SERAC1: variants seen among roughly 807,000 people sequenced by gnomAD.
SERAC1 encodes the protein serine active site containing 1.
SERAC1 carries 36 observed loss-of-function variants against 85.7 expected under a neutral mutation model. The ratio of observed to expected loss-of-function variants is 0.42; its 90% CI spans 0.32 to 0.55. The LOEUF is 0.55. Ranked by LOEUF, SERAC1 falls within the 20% of genes least tolerant of loss-of-function variation. The pLI is 0.11. For synonymous variants in SERAC1, 242 were observed against 265.3 expected, an observed-to-expected ratio of 0.91 and a Z score of 0.85; for missense variants, 629 against 796.2, an observed-to-expected ratio of 0.79 and a Z score of 2.53.
At chr6:158,147,842 T>C (rs1280803670) in intron 5 of SERAC1, among the ~76,000 whole-genome samples, 1 of 151,344 alleles carries the variant, frequency 6.6e-6, no homozygotes, top group Non-Finnish European at 1.5e-5. Flanking sequence ...ATAACTGTTA[T>C]TATTTTACCG....
chr6:158,126,122 G>A (rs746547754), intron 10 of SERAC1, among the ~76,000 whole-genome samples: 2 of 152,122 alleles, frequency 1.3e-5, no homozygotes, highest in Non-Finnish European at 2.9e-5. Context: ...GTGTATGTAT[G>A]TATATCTATA....
intron 10 of SERAC1, among the ~76,000 whole-genome samples, chr6:158,123,152 G>C (rs773861119): frequency 3.3e-5 from 5 of 152,236 alleles, no homozygotes; most frequent in African/African-American, 7.2e-5. Flanking sequence ...TGAGCAAAAA[G>C]AAGGTATATG....
rs1476925202 is a variant in SERAC1, at chr6:158,156,831, A to G, written c.91+1442T>C. On this transcript the variant is annotated intron_variant, in intron 2 of 16. Coordinates refer to ENST00000647468, the MANE Select transcript of SERAC1 (RefSeq NM_032861.4). ...ATATATTTATATAATATATTAATAT[A>G]TTATATAAATATATTTTATATATAA... Among the ~76,000 whole-genome samples, 4 of 132,352 alleles carry G rather than the reference A, an allele frequency of 3.0e-5. No homozygotes were observed. In the East Asian group the frequency reaches 8.2e-4, roughly 27 times the overall value. 86.8% of individuals were successfully genotyped at this position (132,352 alleles called of 152,430 possible).
intron 10 of SERAC1, among the ~76,000 whole-genome samples, chr6:158,122,067 C>T (rs1490344633): frequency 6.6e-6 from 1 of 152,164 alleles, no homozygotes; most frequent in East Asian, 1.9e-4. Context: ...TGTGCCTTTT[C>T]TATGTTTAGC....
intron 10 of SERAC1, among the ~76,000 whole-genome samples, chr6:158,126,386 C>CA (rs1642223235): frequency 3.4e-5 from 5 of 148,984 alleles, no homozygotes; most frequent in Admixed American, 2.0e-4. Context: ...TCCCATTAGT[C>CA]AAAGCTGGAA....
chr6:158,139,850 C>A (rs1784876192), intron 8 of SERAC1, among the ~76,000 whole-genome samples: 7 of 152,216 alleles, frequency 4.6e-5, no homozygotes, highest in Admixed American at 4.6e-4. Flanking sequence ...TGCCCAACAT[C>A]ATTAAGCATT....
intron 10 of SERAC1, among the ~76,000 whole-genome samples, chr6:158,125,277 C>T (rs1268938614): frequency 3.3e-5 from 5 of 152,098 alleles, no homozygotes; most frequent in Admixed American, 2.0e-4. Context: ...TATTTACATC[C>T]TCATAAATAT....
At chr6:158,156,225 C>T (rs1176627633) in intron 2 of SERAC1, among the ~76,000 whole-genome samples, 1 of 152,092 alleles carries the variant, frequency 6.6e-6, no homozygotes, top group South Asian at 2.1e-4. Flanking sequence ...TCTTGGAAAA[C>T]TTTTTTAATA....
chr6:158,164,211 C>G (rs954307065), intron 1 of SERAC1, among the ~76,000 whole-genome samples: 14 of 151,880 alleles, frequency 9.2e-5, no homozygotes, highest in African/African-American at 3.1e-4. Context: ...CACGGTGGCT[C>G]ACGCCTGTAA....
chr6:158,112,558 A>T (rs985007787), intron 16 of SERAC1: 57 of 152,062 alleles, frequency 3.7e-4, no homozygotes, highest in Admixed American at 3.7e-3. Context: ...ACTTTAAGGT[A>T]AAATTTTTCA....
chr6:158,114,892 T>G lies in SERAC1; in HGVS notation c.1581A>C (p.Ile527=), dbSNP rs1465091951. 1 of 1,614,018 alleles carries G rather than the reference T, an allele frequency of 6.2e-7. No individual in the cohort carries two copies. Among genetic ancestry groups the G allele is most frequent in the Admixed American group, 1.7e-5 (1 of 60,022 alleles). ...MSTVINNTRG[I]IFYSVPHHGS... is the part of the protein sequence containing the mutation. ...CATGATGAGGGACACTATAAAAAAT[T>G]ATTCCTCTGGTATTGTTGATAACAG... The change falls in exon 15 of 17, where the codon ATA becomes ATC. Residue 527 remains isoleucine, a synonymous_variant. Coordinates refer to ENST00000647468, the MANE Select transcript of SERAC1 (RefSeq NM_032861.4).
At chr6:158,151,377 T>G (rs1785200598) in intron 3 of SERAC1, among the ~76,000 whole-genome samples, 1 of 151,944 alleles carries the variant, frequency 6.6e-6, no homozygotes, top group East Asian at 1.9e-4. Context: ...TACCCACGAG[T>G]AGCCGCTGCT....
intron 8 of SERAC1, among the ~76,000 whole-genome samples, chr6:158,136,718 A>G (rs893113800): frequency 6.6e-6 from 1 of 152,200 alleles, no homozygotes; most frequent in African/African-American, 2.4e-5. Context: ...GGGGACCACT[A>G]TGAGGCAGGT....
chr6:158,109,743 G>C lies in SERAC1; in HGVS notation c.*1623C>G, dbSNP rs2128408888. 1 of 152,150 alleles carries C rather than the reference G, an allele frequency of 6.6e-6. No homozygotes were observed. Among genetic ancestry groups the C allele is most frequent in the East Asian group, 1.9e-4 (1 of 5,196 alleles). The allele number at this position is 152,150 out of a possible 1,614,324, so 9.4% of individuals were successfully genotyped here. A position where few individuals can be genotyped will look rare whatever the true frequency, so the allele number is the denominator to read the frequency against. On this transcript the variant is annotated 3_prime_UTR_variant, in exon 17 of 17. Coordinates refer to ENST00000647468, the MANE Select transcript of SERAC1 (RefSeq NM_032861.4). ...TATTTATCATAGACAAAAATGAACAGAACCTAGATGTCCATCAGCTGATGA... is the reference window on the plus strand; with the variant it reads ...TATTTATCATAGACAAAAATGAACACAACCTAGATGTCCATCAGCTGATGA...
intron 2 of SERAC1, among the ~76,000 whole-genome samples, chr6:158,156,499 A>T (rs1318796760): frequency 6.6e-6 from 1 of 152,034 alleles, no homozygotes; most frequent in Non-Finnish European, 1.5e-5. Flanking sequence ...TTCAGCAAGC[A>T]TCTTGTGACC....
chr6:158,132,014 A>AGT (rs1397189686), intron 8 of SERAC1, among the ~76,000 whole-genome samples: 1 of 151,742 alleles, frequency 6.6e-6, no homozygotes, highest in East Asian at 1.9e-4. Context: ...AGAGAGAGAG[A>AGT]GTGTGTGTGT....
chr6:158,144,937 T>C (rs1485630658), intron 6 of SERAC1, among the ~76,000 whole-genome samples: 1 of 152,146 alleles, frequency 6.6e-6, no homozygotes, highest in Non-Finnish European at 1.5e-5. Flanking sequence ...TTATTTTCAA[T>C]AATGGCAGTT....
At chr6:158,135,319 G>A (rs1334668362) in intron 8 of SERAC1, among the ~76,000 whole-genome samples, 1 of 152,140 alleles carries the variant, frequency 6.6e-6, no homozygotes, top group Non-Finnish European at 1.5e-5. Context: ...ATCACCTGAG[G>A]TCAGGAGTTC....
chr6:158,130,546 A>C, intron 8 of SERAC1, 60 bp from the exon 9 acceptor site: 1 of 919,116 alleles, frequency 1.1e-6, no homozygotes, highest in Admixed American at 3.0e-5. Flanking sequence ...TTTGTTTGAC[A>C]AAAAAAAAGA....
Sources: allele counts gnomAD v4.1 joint callset (sites outside exome capture counted in the v4.1 genomes callset), GRCh38; gene constraint gnomAD v4.1.1; transcripts MANE v1.5; gene names NCBI Gene and HGNC (gene_info 2026-07-23, HGNC 2026-07-21).